Variants in FBXW7 observed in about 807,000 individuals in gnomAD.
FBXW7 encodes the protein F-box and WD repeat domain containing 7, also known as F-box/WD repeat-containing protein 7.
In FBXW7, 11 loss-of-function variants were observed where a neutral mutation model predicts 86.3. The ratio of observed to expected loss-of-function variants is 0.13; its 90% confidence interval spans 0.08 to 0.21. FBXW7 has a LOEUF of 0.21. FBXW7 is among the 10% of genes least tolerant of loss of function. The pLI is 1.00. For synonymous variants in FBXW7, 313 were observed against 297.9 expected (o/e 1.05, Z -0.52); for missense variants, 488 against 847.4 (o/e 0.58, Z 5.27).
intron 2 of FBXW7, among the ~76,000 whole-genome samples, chr4:152,462,297 C>T (rs1373839681): frequency 1.3e-5 from 2 of 152,176 alleles, no homozygotes; most frequent in South Asian, 4.1e-4. Context: ...CTGTTGGCCA[C>T]GCAAATTGCA....
At chr4:152,481,283 G>A (rs766423136) in intron 2 of FBXW7, among the ~76,000 whole-genome samples, 18 of 152,252 alleles carry the variant, frequency 1.2e-4, no homozygotes, top group East Asian at 7.7e-4. Context: ...ATGGTTTGCC[G>A]AATATTTTAA....
At chr4:152,389,511 G>GA (rs1735820771) in intron 4 of FBXW7, among the ~76,000 whole-genome samples, 1 of 152,156 alleles carries the variant, frequency 6.6e-6, no homozygotes, top group African/African-American at 2.4e-5. Flanking sequence ...CACAGAAACA[G>GA]AAAGTCAAAT....
At chr4:152,382,126 T>G (rs1235872532) in intron 4 of FBXW7, 1 of 1,245,366 alleles carries the variant, frequency 8.0e-7, no homozygotes. Flanking sequence ...ATCTTTTCAC[T>G]AAAAGAGGCC....
intron 4 of FBXW7, among the ~76,000 whole-genome samples, chr4:152,405,432 G>A (rs1047634896): frequency 8.5e-5 from 13 of 152,084 alleles, no homozygotes; most frequent in African/African-American, 3.1e-4. Flanking sequence ...GAGAGGAGAG[G>A]AGATGAAACC....
At chr4:152,480,348 T>C (rs1464266075) in intron 2 of FBXW7, among the ~76,000 whole-genome samples, 2 of 151,968 alleles carry the variant, frequency 1.3e-5, no homozygotes, top group African/African-American at 4.8e-5. Flanking sequence ...CTGATAAATG[T>C]TGCATGTGTT....
chr4:152,531,194 G>A (rs553232612), intron 2 of FBXW7, among the ~76,000 whole-genome samples: 9 of 152,244 alleles, frequency 5.9e-5, no homozygotes, highest in African/African-American at 1.9e-4. Flanking sequence ...AACTATAAGT[G>A]GCTGCCTTCT....
intron 2 of FBXW7, among the ~76,000 whole-genome samples, chr4:152,478,503 T>C (rs78888158): frequency 0.014 from 2,087 of 152,270 alleles, 26 homozygotes; most frequent in Middle Eastern, 0.037. Context: ...TTATTTAGTA[T>C]GAGTAATGCT....
chr4:152,416,616 C>A (rs1393325466), intron 2 of FBXW7, among the ~76,000 whole-genome samples: 1 of 152,026 alleles, frequency 6.6e-6, no homozygotes, highest in Non-Finnish European at 1.5e-5. Context: ...TGAAAAGCTC[C>A]TTAGTAATGT....
chr4:152,356,104 GTTCA>G (rs138966724), intron 4 of FBXW7, among the ~76,000 whole-genome samples: 2,579 of 152,168 alleles, frequency 0.017, 44 homozygotes, highest in East Asian at 0.043. Flanking sequence ...ACTCTCAAGA[GTTCA>G]TTATTTCCGT....
chr4:152,389,259 T>TAGAGATTAATTAAATACACAAAATTA (rs1735793477), intron 4 of FBXW7, among the ~76,000 whole-genome samples: 1 of 152,076 alleles, frequency 6.6e-6, no homozygotes, highest in Non-Finnish European at 1.5e-5. Context: ...GAACTATCAT[T>TAGAGATTAATTAAATACACAAAATTA]TGATCCAGCA....
At position 152,466,448 on chromosome 4, in the gene FBXW7, G is replaced by A. The variant is rs535259250; in HGVS notation, c.-119-53919C>T. ...CACATGCCTGTAATCGCAGCTACTCGGGAGGCTCAGGCATGAGAATCACTT... is the reference window on the plus strand; with the variant it reads ...CACATGCCTGTAATCGCAGCTACTCAGGAGGCTCAGGCATGAGAATCACTT... On this transcript the variant is annotated intron_variant, in intron 2 of 13. Coordinates refer to ENST00000281708, the MANE Select transcript of FBXW7 (RefSeq NM_001349798.2). Among the ~76,000 whole-genome samples, 18 of 151,868 alleles carry A rather than the reference G, an allele frequency of 1.2e-4. No individual in the cohort carries two copies. The South Asian group carries it at 3.5e-3, about 30-fold the overall frequency.
chr4:152,324,293 C>G lies in FBXW7; in HGVS notation c.1746G>C (p.Ser582=), dbSNP rs1184624754. 6.2e-7 allele frequency: 1 copy of G among 1,613,100 alleles called. No homozygotes were observed. The highest frequency in any genetic ancestry group is 8.5e-7 in the Non-Finnish European group (1 of 1,179,454). Residue 582 remains serine, a synonymous_variant, in exon 13 of 14, where the codon TCG becomes TCC. Coordinates refer to ENST00000281708, the MANE Select transcript of FBXW7 (RefSeq NM_001349798.2). ...NCIHTLTGHQ[S]LTSGMELKDN... ...CTTTGAGTTCCATTCCACTTGTTAACGACTGGTGCCCTGTTAACGTGTGAA... is the reference window on the plus strand; with the variant it reads ...CTTTGAGTTCCATTCCACTTGTTAAGGACTGGTGCCCTGTTAACGTGTGAA...
chr4:152,454,071 A>G (rs1230168263), intron 2 of FBXW7, among the ~76,000 whole-genome samples: 1 of 152,180 alleles, frequency 6.6e-6, no homozygotes, highest in Non-Finnish European at 1.5e-5. Flanking sequence ...CACTATACAC[A>G]TTCAAAATAA....
chr4:152,466,963 T>C (rs1165530012), intron 2 of FBXW7, among the ~76,000 whole-genome samples: 13 of 151,488 alleles, frequency 8.6e-5, no homozygotes, highest in Non-Finnish European at 1.8e-4. Context: ...AATAATAATC[T>C]GTACAAGATT....
In FBXW7 at chr4:152,430,359, C is replaced by T. The variant is rs1184889583; in HGVS notation, c.-119-17830G>A. Among the ~76,000 whole-genome samples, 19 of 151,856 alleles carry T rather than the reference C, an allele frequency of 1.3e-4. 1 individual carries two copies. The highest frequency in any genetic ancestry group is 1.2e-3 in the Admixed American group (19 of 15,224). The stretch of plus-strand genomic sequence containing the variant: ...CAGCTACTGCCTTGTTAGGTGTGTC[C>T]AGAAATACTGTTCTATAACCTGAAA... On this transcript the variant is annotated intron_variant, in intron 2 of 13. Transcript: ENST00000281708.
chr4:152,403,118 G>C (rs1177404653), intron 4 of FBXW7, among the ~76,000 whole-genome samples: 2 of 152,060 alleles, frequency 1.3e-5, no homozygotes, highest in African/African-American at 2.4e-5. Context: ...TGGGGAGTTG[G>C]GAATACGGGA....
chr4:152,402,139 A>C (rs1736994669), intron 4 of FBXW7, among the ~76,000 whole-genome samples: 1 of 152,194 alleles, frequency 6.6e-6, no homozygotes, highest in Non-Finnish European at 1.5e-5. Context: ...AATAATAATA[A>C]GACTATTATT....
chr4:152,508,667 G>GAAAAAAAAAAAAAAAAAAAA (rs371871097), intron 2 of FBXW7, among the ~76,000 whole-genome samples: 1 of 128,968 alleles, frequency 7.8e-6, no homozygotes. Flanking sequence ...AAAAAAAAAA[G>GAAAAAAAAAAAAAAAAAAAA]AAAAAAAAAA....
chr4:152,486,449 G>A (rs1010867939), intron 2 of FBXW7, among the ~76,000 whole-genome samples: 8 of 151,966 alleles, frequency 5.3e-5, no homozygotes, highest in African/African-American at 1.9e-4. Flanking sequence ...TATTTTACAA[G>A]CCTTTTCTAT....
Sources: allele counts gnomAD v4.1 joint callset (sites outside exome capture counted in the v4.1 genomes callset), GRCh38; gene constraint gnomAD v4.1.1; transcripts MANE v1.5; gene names NCBI Gene and HGNC (gene_info 2026-07-23, HGNC 2026-07-21).